SRBD1: variants seen among roughly 807,000 people sequenced by gnomAD.
The protein encoded by SRBD1 is S1 RNA-binding domain-containing protein 1.
SRBD1 carries 88 observed loss-of-function variants against 115.3 expected under a neutral mutation model. The ratio of observed to expected loss-of-function variants is 0.76; its 90% CI spans 0.64 to 0.91. The LOEUF is 0.91. Ranked by LOEUF, SRBD1 falls within the 40% of genes least tolerant of loss-of-function variation. The probability of loss-of-function intolerance (pLI) is 0.00; values close to 1 mark genes in which losing one functional copy is unlikely to be tolerated. For missense variants in SRBD1, 1,385 were observed against 1,177.4 expected, an observed-to-expected ratio of 1.18 and a Z score of -2.58; for synonymous variants, 509 against 407.7, an observed-to-expected ratio of 1.25 and a Z score of -2.99.
At chr2:45,558,685 A>ATTTTTTTTTTTTTTTTTTTT (rs1214807980) in intron 10 of SRBD1, among the ~76,000 whole-genome samples, 1 of 89,530 alleles carries the variant, frequency 1.1e-5, no homozygotes, top group Non-Finnish European at 2.2e-5. Context: ...CCACACAATT[A>ATTTTTTTTTTTTTTTTTTTT]TTTTTTTTTT....
chr2:45,601,437 G>A (rs1156601234), intron 3 of SRBD1, among the ~76,000 whole-genome samples: 2 of 152,208 alleles, frequency 1.3e-5, no homozygotes, highest in African/African-American at 2.4e-5. Context: ...ACACCCAAGA[G>A]AGATATATCT....
intron 16 of SRBD1, among the ~76,000 whole-genome samples, chr2:45,438,925 A>C (rs192134951): frequency 3.6e-4 from 55 of 152,312 alleles, no homozygotes; most frequent in Non-Finnish European, 7.2e-4. Flanking sequence ...CTATACCTAG[A>C]AACTTTATGG....
chr2:45,582,986 G>A (rs553293654), intron 5 of SRBD1, among the ~76,000 whole-genome samples: 1 of 152,018 alleles, frequency 6.6e-6, no homozygotes, highest in Non-Finnish European at 1.5e-5. Flanking sequence ...AACAACTAAC[G>A]ACAAAAGGAA....
intron 14 of SRBD1, among the ~76,000 whole-genome samples, chr2:45,523,819 C>G (rs1196337126): frequency 6.6e-6 from 1 of 151,820 alleles, no homozygotes; most frequent in Non-Finnish European, 1.5e-5. Context: ...CTTCCTAATT[C>G]ATTCTAAAAA....
intron 9 of SRBD1, among the ~76,000 whole-genome samples, chr2:45,566,720 A>C (rs764777314): frequency 9.2e-5 from 14 of 152,208 alleles, no homozygotes; most frequent in Non-Finnish European, 1.5e-4. Context: ...TTCTTAAAGC[A>C]CTCTTTAATA....
At position 45,388,983 on chromosome 2, in the gene SRBD1, T is replaced by TAGAA. The variant is rs1666921427; in HGVS notation, c.*323_*326dup. 4.3e-6 allele frequency: 1 copy of TAGAA among 233,292 alleles called. No individual in the cohort carries two copies. Among genetic ancestry groups the TAGAA allele is most frequent in the Non-Finnish European group, 8.4e-6 (1 of 119,688 alleles). 14.5% of individuals were successfully genotyped at this position (233,292 alleles called of 1,614,324 possible). The stretch of plus-strand genomic sequence containing the variant: ...GTCCAGCAAGGCAGATGTTGGCAAG[T>TAGAA]AGAAGTTAAGCAATCTGTTATACAA... On this transcript the variant is annotated 3_prime_UTR_variant, in exon 21 of 21. Transcript: ENST00000263736.
rs145741098 is a variant in SRBD1 at position 45,519,920 on chromosome 2, A to C, written c.1874+26812T>G. 4.9e-3 allele frequency among the ~76,000 whole-genome samples: 749 copies of C among 152,332 alleles called. 2 individuals are homozygous for C. The highest frequency in any genetic ancestry group is 7.1e-3 in the Non-Finnish European group (482 of 68,028). ...AGGAAAACAAGGCACAGAAGGGTTA[A>C]GTAACCAAACCAAGACCAAAAAGCT... On this transcript the variant is annotated intron_variant, in intron 14 of 20. Coordinates refer to ENST00000263736, the MANE Select transcript of SRBD1 (RefSeq NM_018079.5).
chr2:45,490,357 G>A (rs1670255749), intron 14 of SRBD1, among the ~76,000 whole-genome samples: 1 of 152,044 alleles, frequency 6.6e-6, no homozygotes, highest in African/African-American at 2.4e-5. Context: ...AAGGAAAGCT[G>A]GTTCTAGCAT....
At chr2:45,607,640 T>G (rs1481184926) in intron 1 of SRBD1, among the ~76,000 whole-genome samples, 1 of 151,928 alleles carries the variant, frequency 6.6e-6, no homozygotes, top group African/African-American at 2.4e-5. Flanking sequence ...AAAAAAAAAT[T>G]CATATGAAGC....
chr2:45,509,964 A>ATT (rs1225237967), intron 14 of SRBD1, among the ~76,000 whole-genome samples: 1 of 152,180 alleles, frequency 6.6e-6, no homozygotes, highest in Non-Finnish European at 1.5e-5. Context: ...CAAACTCCTG[A>ATT]GCTCAAGTGA....
At chr2:45,596,634 T>C (rs1517000) in intron 4 of SRBD1, among the ~76,000 whole-genome samples, 7,339 of 152,226 alleles carry the variant, frequency 0.048, 561 homozygotes, top group African/African-American at 0.16. Flanking sequence ...GTTAACCCAT[T>C]GCATCTACTA....
chr2:45,409,724 G>A (rs977541844), intron 19 of SRBD1, among the ~76,000 whole-genome samples: 2 of 152,028 alleles, frequency 1.3e-5, no homozygotes, highest in African/African-American at 2.4e-5. Context: ...TTATATATTA[G>A]CAACAAACAA....
chr2:45,594,614 C>T (rs986356039), intron 4 of SRBD1, among the ~76,000 whole-genome samples: 1 of 152,176 alleles, frequency 6.6e-6, no homozygotes, highest in East Asian at 1.9e-4. Flanking sequence ...TGATCCCCAA[C>T]CCCGGATCAG....
chr2:45,392,515 A>G (rs1212381546), intron 20 of SRBD1, among the ~76,000 whole-genome samples: 1 of 152,228 alleles, frequency 6.6e-6, no homozygotes, highest in Non-Finnish European at 1.5e-5. Flanking sequence ...TATTTGTTCA[A>G]TGGGTTCATT....
chr2:45,405,596 C>G (rs1160858596), intron 19 of SRBD1, among the ~76,000 whole-genome samples: 1 of 151,896 alleles, frequency 6.6e-6, no homozygotes. Context: ...TAGAATCATC[C>G]AAGGAAGCAA....
At chr2:45,609,821 AATT>A (rs1446180852) in intron 1 of SRBD1, among the ~76,000 whole-genome samples, 4 of 152,208 alleles carry the variant, frequency 2.6e-5, no homozygotes, top group African/African-American at 9.6e-5. Flanking sequence ...CACAATCTGT[AATT>A]ATTTTTATTT....
At chr2:45,410,832 C>T (rs924443399) in intron 19 of SRBD1, among the ~76,000 whole-genome samples, 7 of 152,198 alleles carry the variant, frequency 4.6e-5, no homozygotes, top group Admixed American at 4.6e-4. Flanking sequence ...GATAGCTCAA[C>T]ACCTGGAGGT....
chr2:45,441,252 C>T (rs1224414144), intron 16 of SRBD1, among the ~76,000 whole-genome samples: 8 of 152,154 alleles, frequency 5.3e-5, no homozygotes, highest in Middle Eastern at 3.2e-3. Flanking sequence ...GGCGACAGAG[C>T]CCAGGCACTC....
intron 16 of SRBD1, among the ~76,000 whole-genome samples, chr2:45,459,669 G>C (rs1572664056): frequency 1.3e-5 from 2 of 152,082 alleles, no homozygotes; most frequent in East Asian, 3.8e-4. Context: ...TGCACCTTGA[G>C]GCACTTCCAT....
Sources: allele counts gnomAD v4.1 joint callset (sites outside exome capture counted in the v4.1 genomes callset), GRCh38; gene constraint gnomAD v4.1.1; transcripts MANE v1.5; gene names NCBI Gene and HGNC (gene_info 2026-07-23, HGNC 2026-07-21).